PCDHGA1: variants seen among roughly 807,000 people sequenced by gnomAD.
PCDHGA1 encodes protocadherin gamma subfamily A, 1, also known as protocadherin gamma-A1.
In PCDHGA1, 32 loss-of-function variants were observed where a neutral mutation model predicts 58.0. The observed-to-expected ratio is 0.55, with a 90% CI of 0.42 to 0.74. The LOEUF is 0.74. PCDHGA1 is among the 30% of genes least tolerant of loss of function. The pLI is 0.00. For missense variants in PCDHGA1, 1,205 were observed against 1,182.3 expected, an observed-to-expected ratio of 1.02 and a Z score of -0.28; for synonymous variants, 498 against 501.1, an observed-to-expected ratio of 0.99 and a Z score of 0.08.
chr5:141,388,060 A>G lies in PCDHGA1; in HGVS notation c.2421+54955A>G, dbSNP rs1429863107. 16 of 1,381,916 alleles carry G rather than the reference A, an allele frequency of 1.2e-5. No individual in the cohort carries two copies. The highest frequency in any genetic ancestry group is 2.5e-5 in the East Asian group (1 of 40,268). The allele number at this position is 1,381,916 out of a possible 1,614,324, so 85.6% of individuals were successfully genotyped here. Reference sequence around the variant, plus strand: ...GCCACGGACCTGGGGTTCAGCGTCCAGGAGTTACCGACTCGAAAACTGCGC... The same window carrying G: ...GCCACGGACCTGGGGTTCAGCGTCCGGGAGTTACCGACTCGAAAACTGCGC... On this transcript the variant is annotated intron_variant, in intron 1 of 3. Transcript: ENST00000517417.
chr5:141,331,678 A>G lies in PCDHGA1; in HGVS notation c.994A>G (p.Lys332Glu), dbSNP rs769788897. 1 of 1,614,056 alleles carries G rather than the reference A, an allele frequency of 6.2e-7. No individual in the cohort carries two copies. Among genetic ancestry groups the G allele is most frequent in the South Asian group, 1.1e-5 (1 of 91,076 alleles). Reference sequence around the variant, plus strand: ...TGGTGCGGGGCTCATGGCTAAAGTTAAGGTACTGATCAAAGTTTTGGATGT... The same window carrying G: ...TGGTGCGGGGCTCATGGCTAAAGTTGAGGTACTGATCAAAGTTTTGGATGT... Reference protein sequence around the residue: ...QDGAGLMAKVKVLIKVLDVND... With the variant: ...QDGAGLMAKVEVLIKVLDVND... Residue 332 changes from lysine (K) to glutamate (E), a missense_variant, in exon 1 of 4, where the codon AAG becomes GAG. Lys to Glu is a moderately conservative substitution (Grantham distance 56). Coordinates refer to ENST00000517417, the MANE Select transcript of PCDHGA1 (RefSeq NM_018912.3).
In PCDHGA1 at chr5:141,398,901, C is replaced by CACCA. The variant is rs763382637; in HGVS notation, c.2421+65797_2421+65800dup. ...GCCTTCGGGAAAACGTGCCACCAGG[C>CACCA]ACCACTGTGTTGCAAGTGTCAGCCA... On this transcript the variant is annotated intron_variant, in intron 1 of 3. Coordinates refer to ENST00000517417, the MANE Select transcript of PCDHGA1 (RefSeq NM_018912.3). 3.7e-6 allele frequency: 6 copies of CACCA among 1,613,954 alleles called. No homozygotes were observed. The South Asian group carries it at 6.6e-5, about 18-fold the overall frequency.
rs1173306822 is a variant in PCDHGA1, at chr5:141,431,115, T to G, written c.2422-63692T>G. The G allele has an allele frequency of 6.2e-7, 1 of 1,613,608 alleles. No homozygotes were observed. Among genetic ancestry groups the G allele is most frequent in the East Asian group, 2.2e-5 (1 of 44,840 alleles). ...GAGGATAAAGTGAAAATATATGGAG[T>G]AGAAGTAGAAGTAAGGGACATTAAC... On this transcript the variant is annotated intron_variant, in intron 1 of 3. Transcript: ENST00000517417. This position sits in a 1 kb window ranked among gnomAD's most constrained non-coding sequence, Gnocchi z 4.8.
intron 1 of PCDHGA1, chr5:141,413,419 A>C: frequency 6.2e-7 from 1 of 1,614,084 alleles, no homozygotes; most frequent in Non-Finnish European, 8.5e-7. Context: ...TTTCTCTCTG[A>C]ACCCGCGCAG....
chr5:141,511,823 GC>G lies in PCDHGA1; in HGVS notation c.*653del, dbSNP rs2099883963. On this transcript the variant is annotated 3_prime_UTR_variant, in exon 4 of 4. Coordinates refer to ENST00000517417, the MANE Select transcript of PCDHGA1 (RefSeq NM_018912.3). The stretch of plus-strand genomic sequence containing the variant: ...TTTTGCTACCAAGCCTCTTCCCAAC[GC>G]CCTGGGGACCAGTCTTCTGTTTTGT... The G allele has an allele frequency of 6.4e-6, 1 of 156,728 alleles. No individual in the cohort carries two copies. The highest frequency in any genetic ancestry group is 1.9e-4 in the South Asian group (1 of 5,164). 9.7% of individuals were successfully genotyped at this position (156,728 alleles called of 1,614,324 possible).
intron 1 of PCDHGA1, chr5:141,400,138 A>T: frequency 6.2e-7 from 1 of 1,614,046 alleles, no homozygotes; most frequent in Non-Finnish European, 8.5e-7. Flanking sequence ...GCTGCCGGAT[A>T]TCACTGACCG....
Position 141,331,897 on chromosome 5 carries a change from G to C in PCDHGA1, c.1213G>C (p.Val405Leu). The change falls in exon 1 of 4, where the codon GTG becomes CTG. Residue 405 changes from valine to leucine, a missense_variant. Physicochemically the swap from Val to Leu is conservative, Grantham distance 32. Coordinates refer to ENST00000517417, the MANE Select transcript of PCDHGA1 (RefSeq NM_018912.3). ...GTTAGTTGATAATTATTACCGTTTA[G>C]TGACTGAAAGAACACTGGACAGAGA... The part of the protein sequence containing the change: ...EKLVDNYYRL[V>L]TERTLDRELI... 6.2e-7 allele frequency: 1 copy of C among 1,614,144 alleles called. No individual in the cohort carries two copies. The highest frequency in any genetic ancestry group is 8.5e-7 in the Non-Finnish European group (1 of 1,180,030).
At position 141,431,869 on chromosome 5, in the gene PCDHGA1, T is replaced by C. The variant is rs140856757; in HGVS notation, c.2422-62938T>C. ...GAGGGACATTAATTGCCCTTTTAAA[T>C]GTAAATGACCAAGATTCTGAGGAAA... is the stretch of plus-strand genomic sequence containing the variant. On this transcript the variant is annotated intron_variant, in intron 1 of 3. Transcript: ENST00000517417. The surrounding 1 kb of genome is among the most constrained non-coding windows in gnomAD (Gnocchi z 4.8). 8.5e-4 allele frequency: 1,376 copies of C among 1,614,252 alleles called. 2 individuals carry two copies. Among genetic ancestry groups the C allele is most frequent in the Non-Finnish European group, 1.1e-3 (1,291 of 1,180,028 alleles).
At chr5:141,488,784 T>C (rs116057353) in intron 1 of PCDHGA1, among the ~76,000 whole-genome samples, 1 of 152,248 alleles carries the variant, frequency 6.6e-6, no homozygotes, top group African/African-American at 2.4e-5. Flanking sequence ...TTGTATCACT[T>C]TGTCTTCCCT....
chr5:141,381,979 G>T (rs767842302), intron 1 of PCDHGA1, among the ~76,000 whole-genome samples: 1 of 151,486 alleles, frequency 6.6e-6, no homozygotes, highest in African/African-American at 2.4e-5. Context: ...ACAGGCGCGC[G>T]CCACCACGCC....
At chr5:141,484,451 T>G (rs2099596635) in intron 1 of PCDHGA1, among the ~76,000 whole-genome samples, 2 of 152,264 alleles carry the variant, frequency 1.3e-5, no homozygotes, top group South Asian at 4.1e-4. Flanking sequence ...TTTAATTGGC[T>G]ACGTTAATGT....
chr5:141,510,272 TAAA>T (rs546154379), intron 3 of PCDHGA1, among the ~76,000 whole-genome samples: 2 of 130,370 alleles, frequency 1.5e-5, no homozygotes, highest in Non-Finnish European at 3.3e-5. Context: ...GACTCCATCT[TAAA>T]AAAAAAAAAA....
At chr5:141,351,036 T>C in intron 1 of PCDHGA1, 1 of 1,614,004 alleles carries the variant, frequency 6.2e-7, no homozygotes, top group Non-Finnish European at 8.5e-7. Flanking sequence ...ACCTCCGTGC[T>C]GCGGGTGATG....
Position 141,330,712 on chromosome 5 carries a change from T to C in PCDHGA1, c.28T>C (p.Cys10Arg), listed in dbSNP as rs748263025. MKIQKKLTG[C>R]SRLMLLCLSL... is the part of the protein sequence containing the mutation. Reference sequence around the variant, plus strand: ...GAAGATTCAGAAAAAGCTGACTGGCTGCAGCAGGCTGATGCTTCTGTGTCT... The same window carrying C: ...GAAGATTCAGAAAAAGCTGACTGGCCGCAGCAGGCTGATGCTTCTGTGTCT... Residue 10 changes from cysteine (C) to arginine (R), a missense_variant, in exon 1 of 4, where the codon TGC becomes CGC. Cys to Arg is a radical substitution (Grantham distance 180, BLOSUM62 -3). Transcript: ENST00000517417. The C allele has an allele frequency of 3.7e-6, 6 of 1,609,706 alleles. No individual in the cohort carries two copies. The highest frequency in any genetic ancestry group is 5.1e-6 in the Non-Finnish European group (6 of 1,176,718).
intron 1 of PCDHGA1, chr5:141,365,087 G>A (rs771010337): frequency 1.2e-6 from 2 of 1,613,854 alleles, no homozygotes; most frequent in Non-Finnish European, 1.7e-6. Context: ...GAGTGTTCCA[G>A]AGAACATACC....
At chr5:141,470,961 C>T (rs1447105252) in intron 1 of PCDHGA1, among the ~76,000 whole-genome samples, 1 of 152,036 alleles carries the variant, frequency 6.6e-6, no homozygotes, top group Non-Finnish European at 1.5e-5. Context: ...AAGTGATCCT[C>T]CCACCTCAGC....
Position 141,432,731 on chromosome 5 carries a change from G to C in PCDHGA1, c.2422-62076G>C, listed in dbSNP as rs1244820860. On this transcript the variant is annotated intron_variant, in intron 1 of 3. Coordinates refer to ENST00000517417, the MANE Select transcript of PCDHGA1 (RefSeq NM_018912.3). This position sits in a 1 kb window ranked among gnomAD's most constrained non-coding sequence, Gnocchi z 6.0. ...CGGCCAGCCCCCTCTCTCCGCCACT[G>C]TCACGCTCACCGTGGCCGTGGCCGA... The C allele has an allele frequency of 6.2e-7, 1 of 1,614,068 alleles. No homozygotes were observed.
At chr5:141,397,546 T>C (rs576089094) in intron 1 of PCDHGA1, among the ~76,000 whole-genome samples, 2 of 152,300 alleles carry the variant, frequency 1.3e-5, no homozygotes, top group South Asian at 2.1e-4. Flanking sequence ...GAAATCAGTA[T>C]AGTATGAAGG....
intron 1 of PCDHGA1, chr5:141,388,978 CT>C (rs1389375857): frequency 6.2e-7 from 1 of 1,613,972 alleles, no homozygotes; most frequent in East Asian, 2.2e-5. Flanking sequence ...ACACATATTG[CT>C]TTGCTCAAAG....
Sources: allele counts gnomAD v4.1 joint callset (sites outside exome capture counted in the v4.1 genomes callset), GRCh38; gene constraint gnomAD v4.1.1; non-coding constraint Gnocchi (gnomAD v3.1); transcripts MANE v1.5; gene names NCBI Gene and HGNC (gene_info 2026-07-23, HGNC 2026-07-21).